The following ACOT6 variants were observed in gnomAD, a reference collection of about 807,000 sequenced individuals.
ACOT6 encodes the protein acyl-CoA thioesterase 6, also known as acyl-coenzyme A thioesterase 6.
Under a neutral mutation model 12.3 loss-of-function variants are expected in ACOT6, and 14 were observed. That is an observed-to-expected ratio of 1.14 (90% CI 0.75 to 1.78). The LOEUF (loss-of-function observed/expected upper bound fraction) is 1.78. Among genes scored for constraint, ACOT6 ranks in the 40% most tolerant of loss-of-function variants. The probability of loss-of-function intolerance (pLI) is 0.00; values close to 1 mark genes in which losing one functional copy is unlikely to be tolerated. For missense variants in ACOT6, 523 were observed against 551.8 expected, an observed-to-expected ratio of 0.95 and a Z score of 0.52; for synonymous variants, 218 against 231.3, an observed-to-expected ratio of 0.94 and a Z score of 0.52.
intron 1 of ACOT6, among the ~76,000 whole-genome samples, chr14:73,615,388 T>TAAAAAAAAAAAAA (rs1160138803): frequency 4.7e-5 from 3 of 63,322 alleles, no homozygotes; most frequent in African/African-American, 3.0e-4. Flanking sequence ...CTCTGTCTGA[T>TAAAAAAAAAAAAA]AAAAAAAAAA....
intron 1 of ACOT6, among the ~76,000 whole-genome samples, chr14:73,614,026 C>CA (rs59411143): frequency 0.019 from 1,740 of 92,894 alleles, 59 homozygotes; most frequent in Middle Eastern, 0.024. Flanking sequence ...TCTGTCTCTA[C>CA]AAAAAAAAAA....
chr14:73,615,320 G>A (rs1162577932), intron 1 of ACOT6, among the ~76,000 whole-genome samples: 1 of 148,492 alleles, frequency 6.7e-6, no homozygotes, highest in Non-Finnish European at 1.5e-5. Flanking sequence ...CCGGCAGGTG[G>A]AGGTTGCAGT....
rs753573150 is a variant in ACOT6, at chr14:73,619,233, G to A, written c.661-1G>A. The A allele has an allele frequency of 3.2e-6, 5 of 1,551,768 alleles. No individual in the cohort carries two copies. The highest frequency in any genetic ancestry group is 4.3e-6 in the Non-Finnish European group (5 of 1,153,162). On this transcript the variant is annotated splice_acceptor_variant, in intron 2 of 2. Transcript: ENST00000645972. LOFTEE classifies it high-confidence loss of function. ...GTTTTCCTTCTCTTTTTCCTCAACAGGTGAAAGGTCCTAGTATTGCGCTTC... is the reference window on the plus strand; with the variant it reads ...GTTTTCCTTCTCTTTTTCCTCAACAAGTGAAAGGTCCTAGTATTGCGCTTC...
At position 73,619,469 on chromosome 14, in the gene ACOT6, C is replaced by G; in HGVS notation, c.896C>G (p.Pro299Arg). Residue 299 changes from proline to arginine, a missense_variant, in exon 3 of 3, where the codon CCA becomes CGA. Physicochemically the swap from Pro to Arg is moderately radical, Grantham distance 103. This residue lies in a region of ACOT6 where 219 missense variants were observed against 277.0 expected (regional missense o/e 0.79). Coordinates refer to ENST00000645972, the MANE Select transcript of ACOT6 (RefSeq NM_001365788.1). ...FLTFMDTWSN[P>R]LEEHNHQSLV... ...ACTTTTATGGACACTTGGAGCAATC[C>G]ACTGGAGGAACACAATCACCAAAGT... 6.2e-7 allele frequency: 1 copy of G among 1,614,166 alleles called. No individual in the cohort carries two copies. Among genetic ancestry groups the G allele is most frequent in the Non-Finnish European group, 8.5e-7 (1 of 1,180,032 alleles).
intron 1 of ACOT6, 84 bp downstream of exon 1, chr14:73,613,116 C>G (rs768072827): frequency 7.8e-6 from 4 of 511,450 alleles, no homozygotes; most frequent in Non-Finnish European, 1.3e-5. Context: ...GTGGAACATC[C>G]CTGAACTTGT....
At chr14:73,615,388 T>TAAAAAAA (rs1160138803) in intron 1 of ACOT6, among the ~76,000 whole-genome samples, 58 of 62,908 alleles carry the variant, frequency 9.2e-4, no homozygotes, top group African/African-American at 1.3e-3. Flanking sequence ...CTCTGTCTGA[T>TAAAAAAA]AAAAAAAAAA....
At chr14:73,614,026 CAAAAAAAAAAAA>C (rs59411143) in intron 1 of ACOT6, among the ~76,000 whole-genome samples, 3 of 92,964 alleles carry the variant, frequency 3.2e-5, no homozygotes, top group East Asian at 2.9e-4. Flanking sequence ...TCTGTCTCTA[CAAAAAAAAAAAA>C]AAAAAAAAAA....
intron 1 of ACOT6, among the ~76,000 whole-genome samples, chr14:73,616,236 G>T (rs1041264980): frequency 2.0e-5 from 3 of 151,888 alleles, no homozygotes; most frequent in Non-Finnish European, 2.9e-5. Context: ...CCAAAGCACT[G>T]GGATTATAGG....
chr14:73,613,667 A>C (rs999203058), intron 1 of ACOT6, among the ~76,000 whole-genome samples: 3 of 152,180 alleles, frequency 2.0e-5, no homozygotes, highest in African/African-American at 7.2e-5. Context: ...CTGAAGGGAG[A>C]GGTGCTATTG....
At position 73,612,556 on chromosome 14, in the gene ACOT6, T is replaced by G; in HGVS notation, c.-16T>G. On this transcript the variant is annotated 5_prime_UTR_variant, in exon 1 of 3. Transcript: ENST00000645972. Reference sequence around the variant, plus strand: ...ACTCCGCGGAGCTGGGTCGCCCCTGTTCTACCCAGATTGGGATGGCAGCGA... The same window carrying G: ...ACTCCGCGGAGCTGGGTCGCCCCTGGTCTACCCAGATTGGGATGGCAGCGA... 1 of 1,352,716 alleles carries G rather than the reference T, an allele frequency of 7.4e-7. No homozygotes were observed. The highest frequency in any genetic ancestry group is 9.6e-7 in the Non-Finnish European group (1 of 1,038,768). 83.8% of individuals were successfully genotyped at this position (1,352,716 alleles called of 1,614,324 possible). A position where few individuals can be genotyped will look rare whatever the true frequency, so the allele number is the denominator to read the frequency against.
Position 73,612,736 on chromosome 14 carries a change from C to G in ACOT6, c.165C>G (p.Asp55Glu). Residue 55 changes from aspartate (D) to glutamate (E), a missense_variant, in exon 1 of 3, where the codon GAC becomes GAG. Asp to Glu is a conservative substitution (Grantham distance 45). Coordinates refer to ENST00000645972, the MANE Select transcript of ACOT6 (RefSeq NM_001365788.1). Reference protein sequence around the residue: ...LFRAHARYRADARDELDLERA... With the variant: ...LFRAHARYRAEARDELDLERA... ...GGGCCCACGCGCGCTACCGTGCCGA[C>G]GCCCGCGACGAGCTGGACCTGGAGC... is the stretch of plus-strand genomic sequence containing the variant. 1 of 1,367,546 alleles carries G rather than the reference C, an allele frequency of 7.3e-7. No homozygotes were observed. The highest frequency in any genetic ancestry group is 9.4e-7 in the Non-Finnish European group (1 of 1,068,082). 84.7% of individuals were successfully genotyped at this position (1,367,546 alleles called of 1,614,324 possible).
At position 73,619,747 on chromosome 14, in the gene ACOT6, T is replaced by C. The variant is rs1890599712; in HGVS notation, c.1174T>C (p.Ser392Pro). Residue 392 changes from serine (S) to proline (P), a missense_variant, in exon 3 of 3, where the codon TCA becomes CCA. By Grantham distance (74) the Ser-to-Pro change is moderately conservative. Around this residue, in one of 2 missense-constraint regions of ACOT6, gnomAD observed 219 missense variants for 277.0 expected, o/e 0.79. Transcript: ENST00000645972. The part of the protein sequence containing the change: ...IFYGGEPKAH[S>P]KAQVDAWQQI... ...CTATGGAGGTGAGCCAAAGGCTCAC[T>C]CAAAGGCACAGGTAGATGCCTGGCA... 4 of 1,613,810 alleles carry C rather than the reference T, an allele frequency of 2.5e-6. No individual in the cohort carries two copies. The highest frequency in any genetic ancestry group is 3.4e-6 in the Non-Finnish European group (4 of 1,179,880).
At chr14:73,616,091 T>G (rs556097696) in intron 1 of ACOT6, among the ~76,000 whole-genome samples, 1 of 151,860 alleles carries the variant, frequency 6.6e-6, no homozygotes, top group African/African-American at 2.4e-5. Context: ...CTCTTCCTCC[T>G]GAGTAGCTAA....
chr14:73,618,994 G>C (rs1192761495), intron 2 of ACOT6, among the ~76,000 whole-genome samples: 2 of 152,022 alleles, frequency 1.3e-5, no homozygotes, highest in African/African-American at 4.8e-5. Context: ...GCCGGGCGTG[G>C]TGGTGGGCGC....
upstream of ACOT6, among the ~76,000 whole-genome samples, chr14:73,612,270 C>T (rs914856642): frequency 2.0e-5 from 3 of 152,170 alleles, no homozygotes; most frequent in Admixed American, 6.5e-5. Flanking sequence ...GAACTCCTAA[C>T]CTCAGGTGTG....
chr14:73,619,643 A>C lies in ACOT6; in HGVS notation c.1070A>C (p.Glu357Ala). Reference protein sequence around the residue: ...KERPQIICYPETGHCIDPPYF... With the variant: ...KERPQIICYPATGHCIDPPYF... ...AGACCCCAGATAATCTGTTACCCAG[A>C]AACTGGTCACTGTATTGACCCACCT... The change falls in exon 3 of 3, where the codon GAA becomes GCA. Residue 357 changes from glutamate to alanine, a missense_variant. Coordinates refer to ENST00000645972, the MANE Select transcript of ACOT6 (RefSeq NM_001365788.1). The C allele has an allele frequency of 6.2e-7, 1 of 1,614,224 alleles. No individual in the cohort carries two copies. The highest frequency in any genetic ancestry group is 8.5e-7 in the Non-Finnish European group (1 of 1,180,032).
rs374846517 is a variant in ACOT6, at chr14:73,614,726, G to A, written c.461+1694G>A. 1.1e-4 allele frequency among the ~76,000 whole-genome samples: 16 copies of A among 140,982 alleles called. No individual in the cohort carries two copies. In the East Asian group the frequency reaches 1.7e-3, roughly 15 times the overall value. 92.5% of individuals were successfully genotyped at this position (140,982 alleles called of 152,430 possible). On this transcript the variant is annotated intron_variant, in intron 1 of 2. Transcript: ENST00000645972. ...TGCGCCACTACACTTCAGCCTGGGC[G>A]ACAGAGCGAGACCCTGTCTCAAAAA...
intron 2 of ACOT6, 111 bp downstream of exon 2, chr14:73,617,303 C>T: frequency 7.0e-7 from 1 of 1,421,392 alleles, no homozygotes; most frequent in Non-Finnish European, 9.9e-7. Context: ...CAGGAGATAC[C>T]AAGTCTCCTT....
At position 73,619,325 on chromosome 14, in the gene ACOT6, CTG is replaced by C. The variant is rs775622053; in HGVS notation, c.754_755del (p.Val252ThrfsTer22). 6.2e-7 allele frequency: 1 copy of C among 1,614,134 alleles called. No homozygotes were observed. Among genetic ancestry groups the C allele is most frequent in the South Asian group, 1.1e-5 (1 of 91,066 alleles). ...TCTTTCTTGAAGGGCATCACAGCCA[CTG>C]TACTTATCAATGCCTGTGTAGCCAA... On this transcript the variant is annotated frameshift_variant, in exon 3 of 3. Transcript: ENST00000645972. LOFTEE classifies it low-confidence loss of function (END_TRUNC).
Sources: gnomAD v4.1 joint callset for allele counts (sites outside exome capture counted in the v4.1 genomes callset) on GRCh38, gnomAD v4.1.1 for gene constraint, gnomAD v4.1.1 regional missense constraint, MANE v1.5 for transcripts, NCBI Gene and HGNC (gene_info 2026-07-23, HGNC 2026-07-21) for gene names.